ENOX1: variants seen among roughly 807,000 people sequenced by gnomAD.
The protein encoded by ENOX1 is candidate growth-related and time keeping constitutive hydroquinone (NADH) oxidase.
Under a neutral mutation model 82.5 loss-of-function variants are expected in ENOX1, and 42 were observed. The ratio of observed to expected loss-of-function variants is 0.51; its 90% CI spans 0.40 to 0.66. The LOEUF (loss-of-function observed/expected upper bound fraction) is 0.66, where lower values mean the gene tolerates loss of function less well. Among genes scored for constraint, ENOX1 ranks in the 30% least tolerant of loss-of-function variants. ENOX1 has a pLI of 0.00. For synonymous variants in ENOX1, 271 were observed against 282.2 expected (o/e 0.96, Z 0.40); for missense variants, 608 against 811.6 (o/e 0.75, Z 3.05).
intron 14 of ENOX1, among the ~76,000 whole-genome samples, chr13:43,247,875 A>AT (rs2043209797): frequency 1.2e-4 from 1 of 8,140 alleles, no homozygotes; most frequent in Non-Finnish European, 2.6e-4. Context: ...ATATATATAT[A>AT]TATATATATT....
At chr13:43,461,494 A>G (rs2057483430) in intron 3 of ENOX1, among the ~76,000 whole-genome samples, 1 of 152,226 alleles carries the variant, frequency 6.6e-6, no homozygotes, top group African/African-American at 2.4e-5. Context: ...ACCGTGGGGT[A>G]TAATGATTTA....
intron 12 of ENOX1, among the ~76,000 whole-genome samples, chr13:43,279,294 G>A (rs553425702): frequency 6.6e-6 from 1 of 152,198 alleles, no homozygotes; most frequent in African/African-American, 2.4e-5. Context: ...AAATGAAGCT[G>A]CATGTCGGCA....
chr13:43,585,222 C>T lies in ENOX1; in HGVS notation c.-219+82257G>A, dbSNP rs545324341. On this transcript the variant is annotated intron_variant, in intron 2 of 16. Coordinates refer to ENST00000690772, the MANE Select transcript of ENOX1 (RefSeq NM_001347969.2). ...TGCAAGTTTTGAAGATGGAAGGGGG[C>T]CATGAAGCAAAGAATGTGAACAGCC... 6.4e-4 allele frequency among the ~76,000 whole-genome samples: 98 copies of T among 152,106 alleles called. No individual in the cohort carries two copies. The South Asian group carries it at 0.014, about 21-fold the overall frequency.
intron 3 of ENOX1, among the ~76,000 whole-genome samples, chr13:43,424,741 T>C (rs563854191): frequency 6.6e-6 from 1 of 152,316 alleles, no homozygotes; most frequent in East Asian, 1.9e-4. Flanking sequence ...GCTCATGCTC[T>C]GTAACCAGTG....
intron 3 of ENOX1, among the ~76,000 whole-genome samples, chr13:43,439,041 C>CTTTTTT (rs61212622): frequency 0.021 from 2,547 of 119,946 alleles, 77 homozygotes; most frequent in Non-Finnish European, 0.03. Flanking sequence ...GTCTTTTAAT[C>CTTTTTT]TTTTTTTTTT....
At chr13:43,751,492 A>G (rs1157152506) in intron 1 of ENOX1, among the ~76,000 whole-genome samples, 1 of 152,184 alleles carries the variant, frequency 6.6e-6, no homozygotes, top group South Asian at 2.1e-4. Flanking sequence ...CACATTCACT[A>G]TTTCTAAAAC....
intron 14 of ENOX1, among the ~76,000 whole-genome samples, chr13:43,246,968 T>C (rs1566325943): frequency 6.6e-6 from 1 of 152,070 alleles, no homozygotes; most frequent in Non-Finnish European, 1.5e-5. Flanking sequence ...TTTAAACAAG[T>C]CAGGTCTACA....
chr13:43,440,529 C>A (rs2056303594), intron 3 of ENOX1, among the ~76,000 whole-genome samples: 1 of 152,068 alleles, frequency 6.6e-6, no homozygotes, highest in South Asian at 2.1e-4. Flanking sequence ...AAAAAATTAT[C>A]AAAATCAGAA....
chr13:43,772,749 T>TAAAAAAAAAAAAAA lies in ENOX1; in HGVS notation c.-285+13889_-285+13902dup, dbSNP rs35359203. 2.8e-3 allele frequency among the ~76,000 whole-genome samples: 315 copies of TAAAAAAAAAAAAAA among 111,998 alleles called. 3 individuals carry two copies. The highest frequency in any genetic ancestry group is 9.7e-3 in the African/African-American group (252 of 25,854). The allele number at this position is 111,998 out of a possible 152,430, so 73.5% of individuals were successfully genotyped here. A position where few individuals can be genotyped will look rare whatever the true frequency, so the allele number is the denominator to read the frequency against. ...GGGCGACAGAGCAAGACTCTGTCTT[T>TAAAAAAAAAAAAAA]AAAAAAAAAAAAAAAAAAAAAAGAA... is the stretch of plus-strand genomic sequence containing the variant. On this transcript the variant is annotated intron_variant, in intron 1 of 16. Coordinates refer to ENST00000690772, the MANE Select transcript of ENOX1 (RefSeq NM_001347969.2).
rs189218971 is a variant in ENOX1 at position 43,741,503 on chromosome 13, T to C, written c.-285+45149A>G. ...TCTAAGCTGGTGTGGTATCTCATAG[T>C]GGTTTTGATTTACATTTCAGAGACT... is the stretch of plus-strand genomic sequence containing the variant. On this transcript the variant is annotated intron_variant, in intron 1 of 16. Transcript: ENST00000690772. Among the ~76,000 whole-genome samples, 370 of 152,330 alleles carry C rather than the reference T, an allele frequency of 2.4e-3. 1 individual carries two copies. The highest frequency in any genetic ancestry group is 4.4e-3 in the Admixed American group (68 of 15,290).
At chr13:43,746,998 G>C (rs567314424) in intron 1 of ENOX1, among the ~76,000 whole-genome samples, 21 of 152,238 alleles carry the variant, frequency 1.4e-4, no homozygotes, top group African/African-American at 4.8e-4. Flanking sequence ...TGCAGGAATC[G>C]GGGCAGCCAA....
intron 5 of ENOX1, among the ~76,000 whole-genome samples, chr13:43,369,088 A>G (rs2051045205): frequency 6.6e-6 from 1 of 151,808 alleles, no homozygotes; most frequent in Admixed American, 6.6e-5. Context: ...TTGACTTCGG[A>G]CTTGATAACC....
chr13:43,296,226 G>A (rs9525757), intron 12 of ENOX1, among the ~76,000 whole-genome samples: 100,701 of 152,186 alleles, frequency 0.66, 34,366 homozygotes, highest in Non-Finnish European at 0.75. Flanking sequence ...CTGGAAATAA[G>A]TCTTTGCAGA....
rs186927555 is a variant in ENOX1, at chr13:43,303,426, C to T, written c.1262-4896G>A. On this transcript the variant is annotated intron_variant, in intron 11 of 16. Transcript: ENST00000690772. ...CTATTCTGTGGCAGAGACATTATCACGCTGTGTACTCAAACTCATGCTTCT... is the reference window on the plus strand; with the variant it reads ...CTATTCTGTGGCAGAGACATTATCATGCTGTGTACTCAAACTCATGCTTCT... 4.1e-3 allele frequency among the ~76,000 whole-genome samples: 623 copies of T among 152,308 alleles called. 3 individuals carry two copies. Among genetic ancestry groups the T allele is most frequent in the African/African-American group, 0.014 (588 of 41,568 alleles).
At chr13:43,362,237 T>A (rs1180388030) in intron 5 of ENOX1, among the ~76,000 whole-genome samples, 1 of 151,910 alleles carries the variant, frequency 6.6e-6, no homozygotes, top group Non-Finnish European at 1.5e-5. Flanking sequence ...CAGCTTTTTT[T>A]TTTTTTAGTG....
At chr13:43,641,955 AAT>A (rs1460144921) in intron 2 of ENOX1, among the ~76,000 whole-genome samples, 1 of 152,232 alleles carries the variant, frequency 6.6e-6, no homozygotes, top group Non-Finnish European at 1.5e-5. Flanking sequence ...ACATGATGAT[AAT>A]AGTCATGTTA....
chr13:43,622,660 G>T (rs923959161), intron 2 of ENOX1, among the ~76,000 whole-genome samples: 5 of 152,238 alleles, frequency 3.3e-5, no homozygotes, highest in African/African-American at 1.2e-4. Flanking sequence ...CAGGGATGGG[G>T]ATCAGGGATG....
intron 14 of ENOX1, among the ~76,000 whole-genome samples, chr13:43,243,061 G>T (rs946447886): frequency 1.3e-5 from 2 of 150,318 alleles, no homozygotes; most frequent in Admixed American, 1.3e-4. Flanking sequence ...GCTTGAACCC[G>T]GAAGGTGGAG....
intron 11 of ENOX1, among the ~76,000 whole-genome samples, chr13:43,310,879 A>AAAAAGGT (rs1440005705): frequency 6.6e-6 from 1 of 151,788 alleles, no homozygotes; most frequent in African/African-American, 2.4e-5. Flanking sequence ...TCAATTAGAA[A>AAAAAGGT]AAAAGGTAGA....
Sources: allele counts gnomAD v4.1 joint callset (sites outside exome capture counted in the v4.1 genomes callset), GRCh38; gene constraint gnomAD v4.1.1; transcripts MANE v1.5; gene names NCBI Gene and HGNC (gene_info 2026-07-23, HGNC 2026-07-21).